FOXP1: variants seen among roughly 807,000 people sequenced by gnomAD.
The protein encoded by FOXP1 is forkhead box P1.
A neutral mutation model predicts 98.2 loss-of-function variants in FOXP1; 15 were observed. The ratio of observed to expected loss-of-function variants is 0.15; its 90% CI spans 0.10 to 0.24. The LOEUF is 0.24. FOXP1 is among the 10% of genes least tolerant of loss of function. The pLI, the probability that FOXP1 is intolerant of heterozygous loss-of-function variation, is 1.00. For synonymous variants in FOXP1, 371 were observed against 314.5 expected (o/e 1.18, Z -1.90); for missense variants, 633 against 848.5 (o/e 0.75, Z 3.15).
chr3:70,967,687 G>GTTTTTTTTTTTT (rs67711426), intron 19 of FOXP1, among the ~76,000 whole-genome samples: 13 of 61,318 alleles, frequency 2.1e-4, no homozygotes, highest in South Asian at 5.9e-4. Flanking sequence ...ACTATTATTT[G>GTTTTTTTTTTTT]TTTTTTTTTT....
intron 6 of FOXP1, among the ~76,000 whole-genome samples, chr3:71,116,507 C>A (rs1364223948): frequency 1.6e-4 from 24 of 152,152 alleles, no homozygotes; most frequent in Admixed American, 1.6e-3. Context: ...GATGGAGAGA[C>A]AACACTAGTG....
chr3:71,198,432 G>GGGGGC, intron 5 of FOXP1, 40 bp from the exon 6 acceptor site: 1 of 491,034 alleles, frequency 2.0e-6, no homozygotes, highest in Non-Finnish European at 4.0e-6. Flanking sequence ...GGGAGGGGGG[G>GGGGGC]AGAAAAAAAA....
chr3:71,175,531 A>C (rs1258976477), intron 6 of FOXP1, among the ~76,000 whole-genome samples: 1 of 152,212 alleles, frequency 6.6e-6, no homozygotes, highest in Non-Finnish European at 1.5e-5. Context: ...CAAAGGTGAG[A>C]GAGAGATAAA....
chr3:71,254,873 G>C lies in FOXP1; in HGVS notation c.-12+44947C>G, dbSNP rs1181432530. On this transcript the variant is annotated intron_variant, in intron 5 of 20. Transcript: ENST00000649528. ...TATATGGAGAAAGCATTTCAGTTATGAGCTTGACAAAATGCCCAGCATTGC... is the reference window on the plus strand; with the variant it reads ...TATATGGAGAAAGCATTTCAGTTATCAGCTTGACAAAATGCCCAGCATTGC... Among the ~76,000 whole-genome samples, 3 of 152,122 alleles carry C rather than the reference G, an allele frequency of 2.0e-5. 1 individual carries two copies. Among genetic ancestry groups the C allele is most frequent in the Admixed American group, 1.3e-4 (2 of 15,270 alleles).
intron 7 of FOXP1, among the ~76,000 whole-genome samples, chr3:71,071,923 A>G (rs1028793087): frequency 3.9e-5 from 6 of 152,192 alleles, no homozygotes; most frequent in Non-Finnish European, 8.8e-5. Context: ...AACAGCTATC[A>G]TTACTGGTAT....
intron 5 of FOXP1, among the ~76,000 whole-genome samples, chr3:71,282,564 A>C (rs2071684021): frequency 6.6e-6 from 1 of 152,256 alleles, no homozygotes; most frequent in South Asian, 2.1e-4. Context: ...AATTTAGTTA[A>C]TCCTCAACTA....
intron 3 of FOXP1, among the ~76,000 whole-genome samples, chr3:71,492,446 G>A (rs570241575): frequency 4.9e-4 from 73 of 147,758 alleles, no homozygotes; most frequent in African/African-American, 1.3e-3. Flanking sequence ...GGGAAACTCC[G>A]TCTCCAAAAA....
chr3:71,256,800 G>A (rs949107254), intron 5 of FOXP1, among the ~76,000 whole-genome samples: 1 of 152,158 alleles, frequency 6.6e-6, no homozygotes, highest in Non-Finnish European at 1.5e-5. Flanking sequence ...ACTTAGACTA[G>A]GCCTGTCTGA....
chr3:71,299,292 C>T (rs749398690), intron 5 of FOXP1, among the ~76,000 whole-genome samples: 1 of 152,190 alleles, frequency 6.6e-6, no homozygotes, highest in Non-Finnish European at 1.5e-5. Context: ...ACAAGGCAGC[C>T]TAGCGCTGAC....
chr3:71,471,503 T>C (rs2089343224), intron 3 of FOXP1, among the ~76,000 whole-genome samples: 2 of 152,274 alleles, frequency 1.3e-5, no homozygotes, highest in South Asian at 4.1e-4. Flanking sequence ...AACGAATGTT[T>C]TGAGTATACA....
intron 3 of FOXP1, among the ~76,000 whole-genome samples, chr3:71,459,388 C>T (rs928185775): frequency 6.6e-6 from 1 of 152,066 alleles, no homozygotes; most frequent in African/African-American, 2.4e-5. Context: ...TTCTGAGACC[C>T]AAGAAGGGGA....
chr3:70,966,492 C>A (rs1030448628), intron 19 of FOXP1: 1 of 208,998 alleles, frequency 4.8e-6, no homozygotes, highest in Non-Finnish European at 9.9e-6. Context: ...CCTGGCCGCA[C>A]CGCTCAAACT....
At chr3:71,147,022 G>A (rs913590813) in intron 6 of FOXP1, among the ~76,000 whole-genome samples, 3 of 152,224 alleles carry the variant, frequency 2.0e-5, no homozygotes, top group East Asian at 1.9e-4. Flanking sequence ...CGTGCTCCAA[G>A]TTCAAACTAG....
rs143917931 is a variant in FOXP1, at chr3:71,553,759, T to C, written c.-298+27790A>G. On this transcript the variant is annotated intron_variant, in intron 2 of 20. Transcript: ENST00000649528. ...GGAACACTTACACTGATTTACAAAA[T>C]AGTTTCTCAAAGTCTCAAACATTTC... 6.6e-5 allele frequency among the ~76,000 whole-genome samples: 10 copies of C among 152,334 alleles called. No individual in the cohort carries two copies. In the East Asian group the frequency reaches 1.5e-3, roughly 23 times the overall value.
intron 3 of FOXP1, among the ~76,000 whole-genome samples, chr3:71,373,225 C>CT (rs954804799): frequency 2.6e-5 from 4 of 152,258 alleles, no homozygotes; most frequent in African/African-American, 9.6e-5. Context: ...CACCTAAAAG[C>CT]TGACAAAATC....
intron 7 of FOXP1, among the ~76,000 whole-genome samples, chr3:71,074,098 G>A (rs1399581581): frequency 1.3e-5 from 2 of 152,222 alleles, no homozygotes; most frequent in Admixed American, 6.5e-5. Context: ...AAATACAGCA[G>A]TACTTATGGG....
intron 4 of FOXP1, among the ~76,000 whole-genome samples, chr3:71,306,343 G>T (rs1413171153): frequency 4.6e-5 from 7 of 152,018 alleles, no homozygotes; most frequent in Non-Finnish European, 7.4e-5. Flanking sequence ...ACTCCAAAAA[G>T]AACTTGTAGT....
chr3:71,076,964 G>A (rs1362927813), intron 7 of FOXP1, among the ~76,000 whole-genome samples: 1 of 152,136 alleles, frequency 6.6e-6, no homozygotes, highest in African/African-American at 2.4e-5. Flanking sequence ...TTTTTTGAAG[G>A]GCTAATCTAA....
chr3:71,060,888 G>A (rs1467996107), intron 7 of FOXP1, among the ~76,000 whole-genome samples: 1 of 152,092 alleles, frequency 6.6e-6, no homozygotes, highest in Non-Finnish European at 1.5e-5. Flanking sequence ...CTTTTAACCG[G>A]ATTTGAAAAT....
Sources: allele counts gnomAD v4.1 joint callset (sites outside exome capture counted in the v4.1 genomes callset), GRCh38; gene constraint gnomAD v4.1.1; transcripts MANE v1.5; gene names NCBI Gene and HGNC (gene_info 2026-07-23, HGNC 2026-07-21).